Variants in MTUS2 observed in about 807,000 individuals in gnomAD.
The protein encoded by MTUS2 is microtubule-associated tumor suppressor candidate 2.
MTUS2 carries 40 observed loss-of-function variants against 114.1 expected under a neutral mutation model. The observed-to-expected ratio is 0.35, with a 90% CI of 0.27 to 0.46. MTUS2 has a LOEUF of 0.46. MTUS2 is among the 20% of genes least tolerant of loss of function. The probability of loss-of-function intolerance (pLI) is 1.00; values close to 1 mark genes in which losing one functional copy is unlikely to be tolerated. For missense variants in MTUS2, 1,679 were observed against 1,705.4 expected (o/e 0.98, Z 0.27); for synonymous variants, 688 against 672.0 (o/e 1.02, Z -0.37).
chr13:29,359,614 A>G (rs1352777374), intron 8 of MTUS2, 141 bp downstream of exon 8: 2 of 920,448 alleles, frequency 2.2e-6, no homozygotes, highest in Non-Finnish European at 3.2e-6. Context: ...GTTCAGGCAG[A>G]ATCTCCTGAG....
chr13:29,444,238 A>G (rs1425065385), intron 9 of MTUS2, among the ~76,000 whole-genome samples: 1 of 152,184 alleles, frequency 6.6e-6, no homozygotes, highest in African/African-American at 2.4e-5. Context: ...AGCCTGGCCA[A>G]CGTGGTCAAA....
At chr13:29,319,150 T>C (rs1900146585) in intron 6 of MTUS2, among the ~76,000 whole-genome samples, 1 of 152,210 alleles carries the variant, frequency 6.6e-6, no homozygotes, top group South Asian at 2.1e-4. Flanking sequence ...CATTTATTGA[T>C]TAAGGAGCTA....
At chr13:28,920,404 C>T (rs114273924) in intron 2 of MTUS2, among the ~76,000 whole-genome samples, 1 of 152,156 alleles carries the variant, frequency 6.6e-6, no homozygotes, top group Non-Finnish European at 1.5e-5. Context: ...CTTACTTTCT[C>T]CCAAACAATC....
At chr13:29,106,523 T>C (rs1373301723) in intron 5 of MTUS2, among the ~76,000 whole-genome samples, 2 of 152,144 alleles carry the variant, frequency 1.3e-5, no homozygotes, top group Non-Finnish European at 2.9e-5. Context: ...CACACCTAGC[T>C]AGTTTTTGTA....
At chr13:28,858,650 A>G (rs1168052880) in intron 2 of MTUS2, among the ~76,000 whole-genome samples, 1 of 152,196 alleles carries the variant, frequency 6.6e-6, no homozygotes, top group African/African-American at 2.4e-5. Context: ...TTAAAATAGA[A>G]TGCATTAATT....
rs369208261 is a variant in MTUS2 at position 29,359,207 on chromosome 13, A to C, written c.2906-55A>C. The stretch of plus-strand genomic sequence containing the variant: ...TTGTGTAATAAGAAGCCGTTGTCAC[A>C]TGTGTACTGAGTGTTTTTTCACAGG... On this transcript the variant is annotated intron_variant, in intron 7 of 15. Coordinates refer to ENST00000612955, the MANE Select transcript of MTUS2 (RefSeq NM_001033602.4). 5.6e-4 allele frequency: 833 copies of C among 1,486,988 alleles called. 23 individuals carry two copies. In the East Asian group the frequency reaches 0.02, roughly 36 times the overall value. 92.1% of individuals were successfully genotyped at this position (1,486,988 alleles called of 1,614,324 possible).
intron 5 of MTUS2, among the ~76,000 whole-genome samples, chr13:29,183,621 G>C (rs1894099621): frequency 6.6e-6 from 1 of 151,998 alleles, no homozygotes; most frequent in Admixed American, 6.6e-5. Context: ...GATGAATCTT[G>C]GGGACACTCT....
intron 4 of MTUS2, among the ~76,000 whole-genome samples, chr13:29,070,980 GTT>G (rs59683514): frequency 0.58 from 86,169 of 147,896 alleles, 25,002 homozygotes; most frequent in Non-Finnish European, 0.61. Context: ...CTGATTGCTT[GTT>G]TTTTTTTTTG....
intron 2 of MTUS2, among the ~76,000 whole-genome samples, chr13:28,890,085 A>G (rs1044735031): frequency 6.6e-6 from 1 of 152,112 alleles, no homozygotes; most frequent in Non-Finnish European, 1.5e-5. Flanking sequence ...GAACATCCTT[A>G]TTTTGGCAGT....
chr13:29,088,101 G>A (rs1379797272), intron 4 of MTUS2, among the ~76,000 whole-genome samples: 1 of 151,294 alleles, frequency 6.6e-6, no homozygotes, highest in Non-Finnish European at 1.5e-5. Context: ...TAACTTTCTG[G>A]TGTAGGTGTT....
intron 5 of MTUS2, among the ~76,000 whole-genome samples, chr13:29,107,744 G>T (rs530982469): frequency 6.6e-6 from 1 of 152,106 alleles, no homozygotes; most frequent in East Asian, 1.9e-4. Flanking sequence ...GAGGCTATTC[G>T]TGAGAGAATT....
intron 6 of MTUS2, among the ~76,000 whole-genome samples, chr13:29,294,060 T>C (rs1236600212): frequency 1.3e-5 from 2 of 152,124 alleles, no homozygotes; most frequent in Non-Finnish European, 2.9e-5. Flanking sequence ...TGCTATAAAA[T>C]ATATACAGAT....
intron 6 of MTUS2, among the ~76,000 whole-genome samples, chr13:29,286,668 G>GCCTGTCTATCTATCTATCTATCTATCTA (rs1898496764): frequency 2.5e-5 from 2 of 78,964 alleles, no homozygotes; most frequent in Non-Finnish European, 5.3e-5. Flanking sequence ...CTGTCTGTCT[G>GCCTGTCTATCTATCTATCTATCTATCTA]TCTGTCTATC....
chr13:29,008,591 T>A (rs1885702075), intron 2 of MTUS2, among the ~76,000 whole-genome samples: 1 of 152,224 alleles, frequency 6.6e-6, no homozygotes, highest in Non-Finnish European at 1.5e-5. Flanking sequence ...GAAAATGTAT[T>A]TATTCTGTAT....
chr13:29,038,341 C>T (rs1439735323), intron 4 of MTUS2, among the ~76,000 whole-genome samples: 4 of 152,226 alleles, frequency 2.6e-5, no homozygotes, highest in Non-Finnish European at 5.9e-5. Context: ...CCACTCCAGA[C>T]CCTATTAGCC....
chr13:29,129,915 T>C (rs1891685731), intron 5 of MTUS2, among the ~76,000 whole-genome samples: 1 of 152,216 alleles, frequency 6.6e-6, no homozygotes, highest in East Asian at 1.9e-4. Flanking sequence ...AGGATTAGTT[T>C]TATTTTTACA....
At chr13:29,230,943 C>T (rs1359573034) in intron 5 of MTUS2, among the ~76,000 whole-genome samples, 12 of 151,888 alleles carry the variant, frequency 7.9e-5, no homozygotes, top group Admixed American at 6.6e-5. Flanking sequence ...GCCTGCATTA[C>T]GGGAAAAAAG....
In MTUS2 at chr13:29,375,549, AT is replaced by A. The variant is rs1871567237; in HGVS notation, c.3117+16077del. On this transcript the variant is annotated intron_variant, in intron 8 of 15. Coordinates refer to ENST00000612955, the MANE Select transcript of MTUS2 (RefSeq NM_001033602.4). ...TATATATATATATACGTGTATATAT[AT>A]ATATATACGTATATATATATATACA... Among the ~76,000 whole-genome samples the A allele has an allele frequency of 1.5e-3, 8 of 5,354 alleles. 3 individuals are homozygous for A. The South Asian group carries it at 0.062, about 42-fold the overall frequency. 3.5% of individuals were successfully genotyped at this position (5,354 alleles called of 152,430 possible). A position where few individuals can be genotyped will look rare whatever the true frequency, so the allele number is the denominator to read the frequency against.
intron 2 of MTUS2, among the ~76,000 whole-genome samples, chr13:28,998,976 G>C (rs143540269): frequency 0.018 from 2,693 of 152,272 alleles, 81 homozygotes; most frequent in African/African-American, 0.061. Flanking sequence ...CAGATTTTTA[G>C]AGTTTCCGGT....
Sources: gnomAD v4.1 joint callset for allele counts (sites outside exome capture counted in the v4.1 genomes callset) on GRCh38, gnomAD v4.1.1 for gene constraint, MANE v1.5 for transcripts, NCBI Gene and HGNC (gene_info 2026-07-23, HGNC 2026-07-21) for gene names.